Variants in RAB11FIP5 observed in about 807,000 individuals in gnomAD.
RAB11FIP5 encodes the protein RAB11 family interacting protein 5.
A neutral mutation model predicts 85.1 loss-of-function variants in RAB11FIP5; 48 were observed. The ratio of observed to expected loss-of-function variants is 0.56; its 90% CI spans 0.45 to 0.72. The LOEUF (loss-of-function observed/expected upper bound fraction) is 0.72. Ranked by LOEUF, RAB11FIP5 falls within the 30% of genes least tolerant of loss-of-function variation. RAB11FIP5 has a pLI of 0.00. For missense variants in RAB11FIP5, 1,491 were observed against 1,687.0 expected, an observed-to-expected ratio of 0.88 and a Z score of 2.04; for synonymous variants, 729 against 727.3, an observed-to-expected ratio of 1.00 and a Z score of -0.04.
In RAB11FIP5 at chr2:73,073,618, AC is replaced by A. The variant is rs1027014603; in HGVS notation, c.*1902del. The A allele has an allele frequency of 2.8e-4, 43 of 152,374 alleles. No individual in the cohort carries two copies. The highest frequency in any genetic ancestry group is 9.9e-4 in the African/African-American group (41 of 41,582). 9.4% of individuals were successfully genotyped at this position (152,374 alleles called of 1,614,324 possible). On this transcript the variant is annotated 3_prime_UTR_variant, in exon 6 of 6. Coordinates refer to ENST00000486777, the MANE Select transcript of RAB11FIP5 (RefSeq NM_001371272.1). ...CATGCCCTGGGCATTAGGGAGGCCC[AC>A]AAAGGTCAGGGCCAGGGCTGGGAGT...
At chr2:73,095,421 C>T (rs930195734) in intron 1 of RAB11FIP5, among the ~76,000 whole-genome samples, 1 of 152,196 alleles carries the variant, frequency 6.6e-6, no homozygotes, top group African/African-American at 2.4e-5. Flanking sequence ...TTCTGATACC[C>T]AAAGTGTAGG....
At chr2:73,095,333 C>G (rs1684296338) in intron 1 of RAB11FIP5, among the ~76,000 whole-genome samples, 1 of 152,212 alleles carries the variant, frequency 6.6e-6, no homozygotes, top group Non-Finnish European at 1.5e-5. Context: ...ACTGATGCTG[C>G]TCTTCAGAAG....
intron 4 of RAB11FIP5, among the ~76,000 whole-genome samples, chr2:73,076,664 TCAACCA>T: frequency 6.6e-6 from 1 of 152,160 alleles, no homozygotes; most frequent in Non-Finnish European, 1.5e-5. Context: ...GGACACTTGG[TCAACCA>T]GCTCTCTCTA....
intron 3 of RAB11FIP5, among the ~76,000 whole-genome samples, chr2:73,083,862 C>T (rs1419817677): frequency 6.6e-6 from 1 of 152,226 alleles, no homozygotes; most frequent in Non-Finnish European, 1.5e-5. Flanking sequence ...CTCTGAGCTG[C>T]TTCTCTCCCC....
At chr2:73,112,241 G>A in intron 1 of RAB11FIP5, 106 bp downstream of exon 1, 3 of 1,256,748 alleles carry the variant, frequency 2.4e-6, no homozygotes, top group Non-Finnish European at 3.1e-6. Context: ...CCTTAAGCAC[G>A]AGGCAAGGGC....
intron 1 of RAB11FIP5, among the ~76,000 whole-genome samples, chr2:73,110,017 TTA>T (rs765525302): frequency 2.6e-5 from 4 of 152,160 alleles, no homozygotes; most frequent in Non-Finnish European, 4.4e-5. Flanking sequence ...CACCAAGAGT[TTA>T]TATGACTTGC....
chr2:73,105,723 C>T (rs761760651), intron 1 of RAB11FIP5, among the ~76,000 whole-genome samples: 2 of 152,070 alleles, frequency 1.3e-5, no homozygotes, highest in East Asian at 1.9e-4. Context: ...GATTAACCCC[C>T]GAGATCCATG....
intron 1 of RAB11FIP5, among the ~76,000 whole-genome samples, chr2:73,093,595 G>A (rs1684261179): frequency 6.6e-6 from 1 of 152,118 alleles, no homozygotes; most frequent in Non-Finnish European, 1.5e-5. Context: ...GTGAGTGCTG[G>A]GTCCCCCACT....
At position 73,076,039 on chromosome 2, in the gene RAB11FIP5, G is replaced by C; in HGVS notation, c.3725C>G (p.Thr1242Ser). ...TVTSGSIQPVTQAPQAGQMVD... is the reference protein window; with the variant it reads ...TVTSGSIQPVSQAPQAGQMVD... ...CATCTGGCCAGCCTGGGGGGCCTGGGTCACAGGCTGAATGCTCCCAGATGT... is the reference window on the plus strand; with the variant it reads ...CATCTGGCCAGCCTGGGGGGCCTGGCTCACAGGCTGAATGCTCCCAGATGT... The change falls in exon 5 of 6, where the codon ACC (threonine) becomes AGC (serine). Residue 1242 changes from threonine to serine, a missense_variant. Coordinates refer to ENST00000486777, the MANE Select transcript of RAB11FIP5 (RefSeq NM_001371272.1). 10 of 1,614,124 alleles carry C rather than the reference G, an allele frequency of 6.2e-6. No homozygotes were observed. The highest frequency in any genetic ancestry group is 8.5e-6 in the Non-Finnish European group (10 of 1,179,960).
rs1325030119 is a variant in RAB11FIP5, at chr2:73,073,939, G to T, written c.*1582C>A. On this transcript the variant is annotated 3_prime_UTR_variant, in exon 6 of 6. Coordinates refer to ENST00000486777, the MANE Select transcript of RAB11FIP5 (RefSeq NM_001371272.1). ...CCACAGGCCCTCTCCTGAAGAAGTG[G>T]TGGTCCCAGAGGAGCTCTTGCCTCC... is the stretch of plus-strand genomic sequence containing the variant. The T allele has an allele frequency of 6.6e-6, 1 of 152,184 alleles. No homozygotes were observed. The highest frequency in any genetic ancestry group is 1.9e-4 in the East Asian group (1 of 5,184). 9.4% of individuals were successfully genotyped at this position (152,184 alleles called of 1,614,324 possible). A position where few individuals can be genotyped will look rare whatever the true frequency, so the allele number is the denominator to read the frequency against.
In RAB11FIP5 at chr2:73,076,176, G is replaced by A; in HGVS notation, c.3588C>T (p.His1196=). 1 of 1,607,000 alleles carries A rather than the reference G, an allele frequency of 6.2e-7. No homozygotes were observed. Among genetic ancestry groups the A allele is most frequent in the Non-Finnish European group, 8.5e-7 (1 of 1,174,630 alleles). The change falls in exon 5 of 6, where the codon CAC becomes CAT. Residue 1196 remains histidine (H), a synonymous_variant. Coordinates refer to ENST00000486777, the MANE Select transcript of RAB11FIP5 (RefSeq NM_001371272.1). ...GGGCGGCACTGAGGGGCTTCACGGG[G>A]TGGGGACTGCAAAGACATACAAGAG... ...AEEPQPSASP[H]PVKPLSAAPV...
In RAB11FIP5 at chr2:73,081,042, C is replaced by T. The variant is rs1683967523; in HGVS notation, c.2190G>A (p.Pro730=). 1 of 1,232,600 alleles carries T rather than the reference C, an allele frequency of 8.1e-7. No individual in the cohort carries two copies. Among genetic ancestry groups the T allele is most frequent in the African/African-American group, 1.6e-5 (1 of 64,516 alleles). 76.4% of individuals were successfully genotyped at this position (1,232,600 alleles called of 1,614,324 possible). The change falls in exon 4 of 6, where the codon CCG becomes CCA. Residue 730 remains proline, a synonymous_variant. Transcript: ENST00000486777. The surrounding 1 kb of genome is among the most constrained non-coding windows in gnomAD (Gnocchi z 4.2). The part of the protein sequence containing the change: ...LEPRVPLDLG[P]NHQSASAADP... ...CAGCCGCGCTCGCGCTCTGGTGGTT[C>T]GGTCCCAAGTCCAGAGGAACCCTGG...
intron 1 of RAB11FIP5, among the ~76,000 whole-genome samples, chr2:73,092,155 T>A (rs1225002790): frequency 6.6e-6 from 1 of 152,176 alleles, no homozygotes; most frequent in Non-Finnish European, 1.5e-5. Flanking sequence ...CTAGTCACTT[T>A]CCCTAAATCT....
At position 73,112,495 on chromosome 2, in the gene RAB11FIP5, G is replaced by C; in HGVS notation, c.283C>G (p.Pro95Ala). 1 of 1,488,864 alleles carries C rather than the reference G, an allele frequency of 6.7e-7. No individual in the cohort carries two copies. Among genetic ancestry groups the C allele is most frequent in the Non-Finnish European group, 8.9e-7 (1 of 1,122,744 alleles). The allele number at this position is 1,488,864 out of a possible 1,614,324, so 92.2% of individuals were successfully genotyped here. Residue 95 changes from proline (P) to alanine (A), a missense_variant, in exon 1 of 6, where the codon CCG becomes GCG. Pro to Ala is a conservative substitution (Grantham distance 27). Around this residue, in one of 3 missense-constraint regions of RAB11FIP5, gnomAD observed 1,211 missense variants for 1,338.0 expected, o/e 0.91. Coordinates refer to ENST00000486777, the MANE Select transcript of RAB11FIP5 (RefSeq NM_001371272.1). Reference protein sequence around the residue: ...LLRAQEADAGPAPWAASSAAA... With the variant: ...LLRAQEADAGAAPWAASSAAA... Reference sequence around the variant, plus strand: ...GCGGAGCTCGCGGCCCAGGGCGCCGGGCCCGCGTCGGCCTCCTGCGCCCGC... The same window carrying C: ...GCGGAGCTCGCGGCCCAGGGCGCCGCGCCCGCGTCGGCCTCCTGCGCCCGC...
chr2:73,094,306 C>T (rs1239647342), intron 1 of RAB11FIP5, among the ~76,000 whole-genome samples: 1 of 152,106 alleles, frequency 6.6e-6, no homozygotes, highest in African/African-American at 2.4e-5. Flanking sequence ...GGCTTAGGAA[C>T]TCCAAAGCCC....
Position 73,075,663 on chromosome 2 carries a change from C to T in RAB11FIP5, c.3833G>A (p.Ser1278Asn). 6.2e-7 allele frequency: 1 copy of T among 1,613,764 alleles called. No homozygotes were observed. Among genetic ancestry groups the T allele is most frequent in the Non-Finnish European group, 8.5e-7 (1 of 1,179,854 alleles). ...YYHLTHDELISLLLQRERELS... is the reference protein window; with the variant it reads ...YYHLTHDELINLLLQRERELS... ...CTCCCGCTCCCGCTGCAGGAGCAGG[C>T]TGATGAGCTCATCGTGGGTCAGGTG... The change falls in exon 6 of 6, where the codon AGC becomes AAC. Residue 1278 changes from serine to asparagine, a missense_variant. Physicochemically the swap from Ser to Asn is conservative, Grantham distance 46. Coordinates refer to ENST00000486777, the MANE Select transcript of RAB11FIP5 (RefSeq NM_001371272.1). This position sits in a 1 kb window ranked among gnomAD's most constrained non-coding sequence, Gnocchi z 4.6.
Position 73,080,739 on chromosome 2 carries a change from A to G in RAB11FIP5, c.2493T>C (p.Asp831=). ...QLCPDVETAD[D]AWPWDVVTIS... ...TGGTGACCACATCCCAAGGCCAGGC[A>G]TCATCAGCTGTCTCGACGTCAGGGC... The change falls in exon 4 of 6, where the codon GAT becomes GAC. Residue 831 remains aspartate (D), a synonymous_variant. Coordinates refer to ENST00000486777, the MANE Select transcript of RAB11FIP5 (RefSeq NM_001371272.1). The G allele has an allele frequency of 1.6e-6, 2 of 1,232,576 alleles. No individual in the cohort carries two copies. The highest frequency in any genetic ancestry group is 2.0e-6 in the Non-Finnish European group (2 of 988,086). The allele number at this position is 1,232,576 out of a possible 1,614,324, so 76.4% of individuals were successfully genotyped here. A position where few individuals can be genotyped will look rare whatever the true frequency, so the allele number is the denominator to read the frequency against.
In RAB11FIP5 at chr2:73,112,888, AG is replaced by A; in HGVS notation, c.-112del. 1.9e-6 allele frequency: 2 copies of A among 1,065,930 alleles called. No homozygotes were observed. The highest frequency in any genetic ancestry group is 2.4e-6 in the Non-Finnish European group (2 of 820,218). The allele number at this position is 1,065,930 out of a possible 1,614,324, so 66.0% of individuals were successfully genotyped here. A position where few individuals can be genotyped will look rare whatever the true frequency, so the allele number is the denominator to read the frequency against. ...AGGAACCAACTCTGAGCGCCGCCGCAGCTGCGGGCTGGGCTGGGCCGGGCCG... is the reference window on the plus strand; with the variant it reads ...AGGAACCAACTCTGAGCGCCGCCGCACTGCGGGCTGGGCTGGGCCGGGCCG... On this transcript the variant is annotated 5_prime_UTR_variant, in exon 1 of 6. Coordinates refer to ENST00000486777, the MANE Select transcript of RAB11FIP5 (RefSeq NM_001371272.1).
intron 2 of RAB11FIP5, 56 bp downstream of exon 2, chr2:73,088,823 C>G (rs1684147067): frequency 5.9e-6 from 9 of 1,537,484 alleles, no homozygotes. Flanking sequence ...TTCATCACCA[C>G]CCAAGGGGAG....
Sources: allele counts gnomAD v4.1 joint callset (sites outside exome capture counted in the v4.1 genomes callset), GRCh38; gene constraint gnomAD v4.1.1; regional missense constraint gnomAD v4.1.1; non-coding constraint Gnocchi (gnomAD v3.1); transcripts MANE v1.5; gene names NCBI Gene and HGNC (gene_info 2026-07-23, HGNC 2026-07-21).